The following KIAA1671 variants were observed in gnomAD, a reference collection of about 807,000 sequenced individuals.
KIAA1671 encodes KIAA1671.
Under a neutral mutation model 131.2 loss-of-function variants are expected in KIAA1671, and 52 were observed. The observed-to-expected ratio is 0.40, with a 90% confidence interval of 0.32 to 0.50. The LOEUF (loss-of-function observed/expected upper bound fraction) is 0.50. KIAA1671 is among the 20% of genes least tolerant of loss of function. KIAA1671 has a pLI of 0.73. For synonymous variants in KIAA1671, 1,003 were observed against 961.6 expected (o/e 1.04, Z -0.80); for missense variants, 2,360 against 2,364.2 (o/e 1.00, Z 0.04).
At chr22:24,984,309 A>G (rs1348569679) in intron 1 of KIAA1671, among the ~76,000 whole-genome samples, 2 of 152,186 alleles carry the variant, frequency 1.3e-5, no homozygotes, top group Admixed American at 6.5e-5. Context: ...ATGCAGGCCC[A>G]GAGAGGTTAA....
intron 7 of KIAA1671, among the ~76,000 whole-genome samples, chr22:25,173,883 A>G (rs1933932696): frequency 6.6e-6 from 1 of 152,106 alleles, no homozygotes; most frequent in African/African-American, 2.4e-5. Flanking sequence ...CCAGTGTGTA[A>G]GATGCTCACG....
At chr22:24,995,137 G>A (rs1276971070) in intron 1 of KIAA1671, among the ~76,000 whole-genome samples, 1 of 145,730 alleles carries the variant, frequency 6.9e-6, no homozygotes, top group Non-Finnish European at 1.5e-5. Context: ...TGCAAGCTCC[G>A]CCTCCCGGGT....
chr22:25,049,478 G>A (rs1244589660), intron 6 of KIAA1671, 114 bp downstream of exon 6: 41 of 1,209,374 alleles, frequency 3.4e-5, no homozygotes, highest in Non-Finnish European at 4.4e-5. Context: ...CGGGGTTGAG[G>A]GCAGCAGGCA....
At chr22:25,107,727 T>C (rs1300925962) in intron 6 of KIAA1671, among the ~76,000 whole-genome samples, 1 of 151,910 alleles carries the variant, frequency 6.6e-6, no homozygotes, top group Non-Finnish European at 1.5e-5. Context: ...AAATAAATTA[T>C]TGGCCGGGCA....
chr22:25,063,045 T>C (rs1315428422), intron 6 of KIAA1671: 1 of 151,950 alleles, frequency 6.6e-6, no homozygotes, highest in Non-Finnish European at 1.5e-5. Flanking sequence ...GATATGCCAT[T>C]GTTACCAGAG....
chr22:25,078,947 A>G (rs1929250958), intron 6 of KIAA1671, among the ~76,000 whole-genome samples: 1 of 152,176 alleles, frequency 6.6e-6, no homozygotes, highest in Non-Finnish European at 1.5e-5. Context: ...TTAATAGAGC[A>G]TGGGGCCTCG....
intron 6 of KIAA1671, among the ~76,000 whole-genome samples, chr22:25,161,951 C>T (rs1933457581): frequency 6.6e-6 from 1 of 152,088 alleles, no homozygotes; most frequent in South Asian, 2.1e-4. Context: ...CTCTCAGTGT[C>T]AAGCCAGAGC....
intron 1 of KIAA1671, among the ~76,000 whole-genome samples, chr22:24,973,158 T>G (rs991300716): frequency 4.6e-5 from 7 of 152,174 alleles, no homozygotes; most frequent in Non-Finnish European, 1.0e-4. Context: ...TCATTTTAAC[T>G]GCAGTTGCCC....
chr22:25,101,940 A>T (rs535782013), intron 6 of KIAA1671, among the ~76,000 whole-genome samples: 15 of 152,328 alleles, frequency 9.8e-5, no homozygotes, highest in Admixed American at 2.0e-4. Flanking sequence ...GTGGGACCCC[A>T]GAGGTGCCCC....
chr22:25,032,470 C>G (rs1206959337), intron 3 of KIAA1671, 139 bp from the exon 4 acceptor site: 2 of 528,460 alleles, frequency 3.8e-6, no homozygotes, highest in African/African-American at 3.8e-5. Context: ...GCTCTCCCCA[C>G]TGGGCAGTTC....
chr22:25,126,447 C>G (rs1318441898), intron 6 of KIAA1671, among the ~76,000 whole-genome samples: 1 of 152,234 alleles, frequency 6.6e-6, no homozygotes, highest in Non-Finnish European at 1.5e-5. Context: ...GCCTCTGGTG[C>G]TGCATTTGAA....
intron 1 of KIAA1671, chr22:25,011,634 C>CTTTTTTTTTTTTTTTTT (rs35127110): frequency 2.3e-5 from 2 of 87,762 alleles, no homozygotes; most frequent in Admixed American, 1.2e-4. Flanking sequence ...CTTTTCTTTT[C>CTTTTTTTTTTTTTTTTT]TTTTTTTTTT....
chr22:25,020,741 G>A (rs1925619509), intron 1 of KIAA1671, among the ~76,000 whole-genome samples: 1 of 152,248 alleles, frequency 6.6e-6, no homozygotes, highest in East Asian at 1.9e-4. Context: ...GCTAAGGGCA[G>A]TGCAGAGGCA....
chr22:25,014,144 A>G (rs1925185550), intron 1 of KIAA1671: 1 of 152,204 alleles, frequency 6.6e-6, no homozygotes, highest in Non-Finnish European at 1.5e-5. Context: ...TGACAGGTTG[A>G]CCATTAAAGA....
intron 9 of KIAA1671, chr22:25,179,589 A>T (rs1009611692): frequency 1.6e-5 from 22 of 1,349,082 alleles, no homozygotes; most frequent in African/African-American, 4.4e-5. Flanking sequence ...CCCCTGCCCA[A>T]TGCGTTGGCC....
intron 1 of KIAA1671, among the ~76,000 whole-genome samples, chr22:24,967,156 C>G (rs1276467448): frequency 6.6e-6 from 1 of 152,152 alleles, no homozygotes; most frequent in Non-Finnish European, 1.5e-5. Flanking sequence ...TTAAAACCAG[C>G]CTTTTAAAAG....
chr22:25,067,033 C>G (rs1255320365), intron 6 of KIAA1671, among the ~76,000 whole-genome samples: 1 of 152,166 alleles, frequency 6.6e-6, no homozygotes, highest in Non-Finnish European at 1.5e-5. Flanking sequence ...ACTCCCCGGG[C>G]TGCCTCGGCC....
Position 24,957,880 on chromosome 22 carries a change from G to A in KIAA1671, c.-208+5108G>A, listed in dbSNP as rs149935104. Reference sequence around the variant, plus strand: ...TTTATTAGAGACAGGGTTTCTCCATGTTGGTCAGGCTGGTCTCGAACTCTC... The same window carrying A: ...TTTATTAGAGACAGGGTTTCTCCATATTGGTCAGGCTGGTCTCGAACTCTC... On this transcript the variant is annotated intron_variant, in intron 1 of 12. Transcript: ENST00000358431. 9.0e-3 allele frequency among the ~76,000 whole-genome samples: 1,345 copies of A among 149,532 alleles called. 20 individuals are homozygous for A. Among genetic ancestry groups the A allele is most frequent in the African/African-American group, 0.032 (1,278 of 40,516 alleles).
chr22:25,164,086 T>C (rs1185819982), intron 6 of KIAA1671, among the ~76,000 whole-genome samples: 1 of 152,212 alleles, frequency 6.6e-6, no homozygotes, highest in East Asian at 1.9e-4. Flanking sequence ...TTCCAGTGGC[T>C]TTGGGGCTTG....
Sources: gnomAD v4.1 joint callset for allele counts (sites outside exome capture counted in the v4.1 genomes callset) on GRCh38, gnomAD v4.1.1 for gene constraint, MANE v1.5 for transcripts, NCBI Gene and HGNC (gene_info 2026-07-23, HGNC 2026-07-21) for gene names.